The following EBF1 variants were observed in gnomAD, a reference collection of about 807,000 sequenced individuals.
The protein encoded by EBF1 is transcription factor COE1.
In EBF1, 10 loss-of-function variants were observed where a neutral mutation model predicts 68.4. The observed-to-expected ratio is 0.15, with a 90% CI of 0.09 to 0.25. The LOEUF is 0.25. Among genes scored for constraint, EBF1 ranks in the 10% least tolerant of loss-of-function variants. The pLI is 1.00. For synonymous variants in EBF1, 298 were observed against 299.8 expected (o/e 0.99, Z 0.06); for missense variants, 509 against 794.4 (o/e 0.64, Z 4.32).
chr5:158,843,436 C>T (rs1037392901), intron 6 of EBF1, among the ~76,000 whole-genome samples: 1 of 152,230 alleles, frequency 6.6e-6, no homozygotes, highest in Non-Finnish European at 1.5e-5. Context: ...CGCCTGTCAG[C>T]AGCCCATCGT....
chr5:158,831,816 A>G (rs1340976343), intron 7 of EBF1, among the ~76,000 whole-genome samples: 1 of 152,192 alleles, frequency 6.6e-6, no homozygotes, highest in Non-Finnish European at 1.5e-5. Context: ...ATCTGAATAA[A>G]AAATATCCAG....
At chr5:158,890,260 A>G (rs1800913900) in intron 6 of EBF1, among the ~76,000 whole-genome samples, 2 of 152,224 alleles carry the variant, frequency 1.3e-5, no homozygotes, top group Non-Finnish European at 2.9e-5. Context: ...AAAATGTTTA[A>G]TTCCTGCTGT....
At chr5:158,823,056 T>G in intron 8 of EBF1, 120 bp downstream of exon 8, 1 of 1,406,214 alleles carries the variant, frequency 7.1e-7, no homozygotes, top group Non-Finnish European at 9.9e-7. Context: ...AGGACCAATC[T>G]TATTCAAAAA....
chr5:158,990,922 G>A (rs1760179486), intron 6 of EBF1, among the ~76,000 whole-genome samples: 1 of 152,026 alleles, frequency 6.6e-6, no homozygotes, highest in South Asian at 2.1e-4. Context: ...AGCACCCATG[G>A]GCCAATTGAT....
chr5:158,875,339 C>G (rs993508270), intron 6 of EBF1, among the ~76,000 whole-genome samples: 1 of 152,140 alleles, frequency 6.6e-6, no homozygotes, highest in Non-Finnish European at 1.5e-5. Context: ...TTTAACCTTT[C>G]CAAATGGACT....
chr5:158,855,319 C>T (rs140679042), intron 6 of EBF1, among the ~76,000 whole-genome samples: 48 of 152,312 alleles, frequency 3.2e-4, no homozygotes, highest in African/African-American at 1.1e-3. Flanking sequence ...CTGATCCTCA[C>T]GAAAAGTCTT....
intron 8 of EBF1, among the ~76,000 whole-genome samples, chr5:158,801,198 C>T (rs1418927183): frequency 6.6e-6 from 1 of 152,004 alleles, no homozygotes; most frequent in Non-Finnish European, 1.5e-5. Flanking sequence ...GCTCATGGCA[C>T]ATTGCAGAGT....
intron 6 of EBF1, among the ~76,000 whole-genome samples, chr5:158,848,748 A>G (rs986398787): frequency 6.6e-6 from 1 of 152,228 alleles, no homozygotes; most frequent in Admixed American, 6.5e-5. Context: ...TGTGTTTAGC[A>G]TTTTAAAGCA....
chr5:158,988,026 T>C (rs1674345857), intron 6 of EBF1, among the ~76,000 whole-genome samples: 1 of 152,214 alleles, frequency 6.6e-6, no homozygotes, highest in Non-Finnish European at 1.5e-5. Context: ...AAGCACCGTT[T>C]ATAACACAGA....
At chr5:158,713,752 G>T (rs1760001848) in intron 12 of EBF1, among the ~76,000 whole-genome samples, 1 of 152,126 alleles carries the variant, frequency 6.6e-6, no homozygotes, top group Non-Finnish European at 1.5e-5. Context: ...TACTATTCAG[G>T]CCTTGCTATA....
intron 10 of EBF1, among the ~76,000 whole-genome samples, chr5:158,775,311 A>G (rs1231934738): frequency 6.6e-6 from 1 of 151,642 alleles, no homozygotes; most frequent in East Asian, 1.9e-4. Context: ...TTTTTTTCTA[A>G]CTTTTATGGC....
In EBF1 at chr5:158,947,843, G is replaced by C. The variant is rs536514692; in HGVS notation, c.555-107733C>G. ...CTGTGTAGAAATGGAGGTTGAAGGA[G>C]AACAGGAGAAATGTGGAGCCCCCTT... On this transcript the variant is annotated intron_variant, in intron 6 of 15. Transcript: ENST00000313708. Among the ~76,000 whole-genome samples the C allele has an allele frequency of 2.0e-4, 31 of 152,062 alleles. No individual in the cohort carries two copies. The South Asian group carries it at 2.3e-3, about 11-fold the overall frequency.
At chr5:158,890,166 A>G (rs555358693) in intron 6 of EBF1, among the ~76,000 whole-genome samples, 1 of 152,192 alleles carries the variant, frequency 6.6e-6, no homozygotes, top group African/African-American at 2.4e-5. Context: ...TGCTAGATAT[A>G]AAAAAATTGT....
At position 158,832,081 on chromosome 5, in the gene EBF1, C is replaced by T. The variant is rs1168037958; in HGVS notation, c.636+7948G>A. ...TAAAAAGTGGAAGAATATAAGGATA[C>T]CTTTTGCTGGTAAATCCCAACAACT... On this transcript the variant is annotated intron_variant, in intron 7 of 15. Transcript: ENST00000313708. Among the ~76,000 whole-genome samples, 4 of 152,310 alleles carry T rather than the reference C, an allele frequency of 2.6e-5. No homozygotes were observed. The East Asian group carries it at 7.7e-4, about 29-fold the overall frequency.
intron 6 of EBF1, among the ~76,000 whole-genome samples, chr5:158,853,971 T>G (rs1331797898): frequency 1.3e-5 from 2 of 152,148 alleles, no homozygotes; most frequent in Non-Finnish European, 2.9e-5. Context: ...AGTCAACGTC[T>G]TGTCTTCAGG....
chr5:158,822,319 T>C lies in EBF1; in HGVS notation c.778+857A>G, dbSNP rs965027644. ...ATGGATGGATGGATGGATGGATAGA[T>C]GGATAGATGGATAGATAGATGAACG... On this transcript the variant is annotated intron_variant, in intron 8 of 15. Coordinates refer to ENST00000313708, the MANE Select transcript of EBF1 (RefSeq NM_024007.5). 2.6e-5 allele frequency among the ~76,000 whole-genome samples: 4 copies of C among 151,728 alleles called. 1 individual carries two copies. The highest frequency in any genetic ancestry group is 9.7e-5 in the African/African-American group (4 of 41,272).
chr5:159,072,520 T>C (rs564172465), intron 6 of EBF1, among the ~76,000 whole-genome samples: 42 of 152,292 alleles, frequency 2.8e-4, no homozygotes, highest in African/African-American at 8.9e-4. Context: ...CGGTCAGTCT[T>C]ATTGGCAAGA....
In EBF1 at chr5:158,696,292, G is replaced by A. The variant is rs1019308866; in HGVS notation, c.*2819C>T. ...CATCTTTTATTTGTAAAACTTTTGTGGAGAAGAAAGAGGATCAGAGGGCCA... is the reference window on the plus strand; with the variant it reads ...CATCTTTTATTTGTAAAACTTTTGTAGAGAAGAAAGAGGATCAGAGGGCCA... On this transcript the variant is annotated 3_prime_UTR_variant, in exon 16 of 16. Coordinates refer to ENST00000313708, the MANE Select transcript of EBF1 (RefSeq NM_024007.5). 5.9e-5 allele frequency: 13 copies of A among 219,962 alleles called. No individual in the cohort carries two copies. The highest frequency in any genetic ancestry group is 2.9e-4 in the African/African-American group (13 of 44,586). The allele number at this position is 219,962 out of a possible 1,614,324, so 13.6% of individuals were successfully genotyped here.
At chr5:158,729,689 T>C (rs1262655792) in intron 11 of EBF1, among the ~76,000 whole-genome samples, 3 of 152,296 alleles carry the variant, frequency 2.0e-5, no homozygotes, top group East Asian at 1.9e-4. Context: ...AAGAATAAAT[T>C]GGGGTGGAAA....
Sources: gnomAD v4.1 joint callset for allele counts (sites outside exome capture counted in the v4.1 genomes callset) on GRCh38, gnomAD v4.1.1 for gene constraint, MANE v1.5 for transcripts, NCBI Gene and HGNC (gene_info 2026-07-23, HGNC 2026-07-21) for gene names.